Variants in M1AP observed in about 807,000 individuals in gnomAD.
M1AP encodes the protein meiosis 1 arrest protein.
Under a neutral mutation model 51.2 loss-of-function variants are expected in M1AP, and 39 were observed. That is an observed-to-expected ratio of 0.76 (90% CI 0.59 to 1.00). M1AP has a LOEUF of 1.00. Ranked by LOEUF, M1AP falls within the 50% of genes least tolerant of loss-of-function variation. M1AP has a pLI of 0.00. For missense variants in M1AP, 545 were observed against 641.2 expected, an observed-to-expected ratio of 0.85 and a Z score of 1.62; for synonymous variants, 251 against 249.2, an observed-to-expected ratio of 1.01 and a Z score of -0.07.
intron 2 of M1AP, among the ~76,000 whole-genome samples, chr2:74,624,198 A>G (rs1423847312): frequency 6.6e-6 from 1 of 152,238 alleles, no homozygotes; most frequent in Non-Finnish European, 1.5e-5. Flanking sequence ...AGAGGATTTC[A>G]GAGGCTGTAA....
intron 3 of M1AP, among the ~76,000 whole-genome samples, chr2:74,607,684 C>T (rs2104705555): frequency 6.6e-6 from 1 of 152,256 alleles, no homozygotes; most frequent in African/African-American, 2.4e-5. Flanking sequence ...CCATGTTGGT[C>T]AGGCTGGTCT....
intron 7 of M1AP, among the ~76,000 whole-genome samples, chr2:74,571,797 G>A (rs1339928368): frequency 6.6e-6 from 1 of 152,148 alleles, no homozygotes; most frequent in African/African-American, 2.4e-5. Flanking sequence ...GGGAGTTTGC[G>A]ACCAGCCTGA....
rs367678611 is a variant in M1AP at position 74,560,267 on chromosome 2, C to G, written c.1306G>C (p.Glu436Gln). ...VESMLDSLEL[E>Q]PTYNPLHVQS... is the part of the protein sequence containing the mutation. ...ACATGCAAGGGGTTGTAGGTGGGCTCCAGCTCCAGGCTGTCCAGCATGCTC... is the reference window on the plus strand; with the variant it reads ...ACATGCAAGGGGTTGTAGGTGGGCTGCAGCTCCAGGCTGTCCAGCATGCTC... The change falls in exon 9 of 11, where the codon GAG (glutamate) becomes CAG (glutamine). Residue 436 changes from glutamate to glutamine, a missense_variant. By Grantham distance (29) the Glu-to-Gln change is conservative (BLOSUM62 2). Transcript: ENST00000421985. 27 of 1,611,382 alleles carry G rather than the reference C, an allele frequency of 1.7e-5. No homozygotes were observed. The highest frequency in any genetic ancestry group is 1.5e-4 in the South Asian group (14 of 90,646).
Position 74,607,189 on chromosome 2 carries a change from A to C in M1AP, c.461T>G (p.Val154Gly). ...TILTSQPGKE[V>G]VKQLEEGLKD... is the part of the protein sequence containing the mutation. ...CAACCCTTCCTCCAACTGTTTGACC[A>C]CCTCTTTTCCAGGCTGAGAAGTCAG... The change falls in exon 4 of 11, where the codon GTG becomes GGG. Residue 154 changes from valine (V) to glycine (G), a missense_variant. Coordinates refer to ENST00000421985, the MANE Select transcript of M1AP (RefSeq NM_001321739.2). 1.2e-6 allele frequency: 2 copies of C among 1,614,006 alleles called. No homozygotes were observed. Among genetic ancestry groups the C allele is most frequent in the Non-Finnish European group, 8.5e-7 (1 of 1,179,968 alleles).
intron 2 of M1AP, among the ~76,000 whole-genome samples, chr2:74,632,427 C>G (rs755512757): frequency 1.3e-5 from 2 of 152,188 alleles, no homozygotes; most frequent in African/African-American, 4.8e-5. Context: ...CTGTCAAGAC[C>G]TCCTTGTGGC....
chr2:74,607,146 G>A lies in M1AP; in HGVS notation c.504C>T (p.Ala168=), dbSNP rs374231205. 53 of 1,613,974 alleles carry A rather than the reference G, an allele frequency of 3.3e-5. No homozygotes were observed. The highest frequency in any genetic ancestry group is 4.4e-5 in the Non-Finnish European group (52 of 1,179,992). The part of the protein sequence containing the change: ...LEEGLKDTDL[A]RVRRFQVVEV... ...CAACGACCTGAAACCTCCTGACTCTGGCTAGGTCTGTATCTTTCAACCCTT... is the reference window on the plus strand; with the variant it reads ...CAACGACCTGAAACCTCCTGACTCTAGCTAGGTCTGTATCTTTCAACCCTT... The change falls in exon 4 of 11, where the codon GCC becomes GCT. Residue 168 remains alanine (A), a synonymous_variant. Coordinates refer to ENST00000421985, the MANE Select transcript of M1AP (RefSeq NM_001321739.2).
chr2:74,622,940 TA>T (rs887908415), intron 2 of M1AP, among the ~76,000 whole-genome samples: 47 of 136,750 alleles, frequency 3.4e-4, no homozygotes, highest in African/African-American at 1.2e-3. Flanking sequence ...TTATACACTT[TA>T]AAAAAAAATA....
At chr2:74,588,720 G>C (rs1679861805) in intron 4 of M1AP, among the ~76,000 whole-genome samples, 1 of 152,194 alleles carries the variant, frequency 6.6e-6, no homozygotes, top group Non-Finnish European at 1.5e-5. Flanking sequence ...AATGGACCTA[G>C]TGGTGACTAT....
intron 4 of M1AP, among the ~76,000 whole-genome samples, chr2:74,587,433 C>T (rs912188639): frequency 3.3e-5 from 5 of 152,132 alleles, no homozygotes; most frequent in African/African-American, 9.7e-5. Flanking sequence ...CTCCTGACCT[C>T]GTGATCCACC....
rs982804004 is a variant in M1AP at position 74,632,293 on chromosome 2, T to C, written c.240+7743A>G. On this transcript the variant is annotated intron_variant, in intron 2 of 10. Coordinates refer to ENST00000421985, the MANE Select transcript of M1AP (RefSeq NM_001321739.2). Reference sequence around the variant, plus strand: ...AATGCACTGCAGTCTCTGTAGGGAGTTGCAGTCAAGGATTCAGAACCCCTA... The same window carrying C: ...AATGCACTGCAGTCTCTGTAGGGAGCTGCAGTCAAGGATTCAGAACCCCTA... Among the ~76,000 whole-genome samples the C allele has an allele frequency of 3.3e-5, 5 of 152,010 alleles. No individual in the cohort carries two copies. In the South Asian group the frequency reaches 1.0e-3, roughly 32 times the overall value.
chr2:74,644,143 G>A (rs1249342195), intron 1 of M1AP, among the ~76,000 whole-genome samples: 2 of 152,176 alleles, frequency 1.3e-5, no homozygotes, highest in South Asian at 2.1e-4. Flanking sequence ...AAAGAATGTA[G>A]GGAAAATTAA....
At chr2:74,592,245 G>T (rs1680089577) in intron 4 of M1AP, among the ~76,000 whole-genome samples, 1 of 151,956 alleles carries the variant, frequency 6.6e-6, no homozygotes, top group African/African-American at 2.4e-5. Flanking sequence ...TGACTTCTAG[G>T]GATAGAAGTA....
chr2:74,592,296 C>T (rs1680092766), intron 4 of M1AP, among the ~76,000 whole-genome samples: 1 of 152,170 alleles, frequency 6.6e-6, no homozygotes, highest in Non-Finnish European at 1.5e-5. Context: ...AAACACATGC[C>T]ACTTCTATTG....
intron 1 of M1AP, among the ~76,000 whole-genome samples, chr2:74,642,745 GT>G: frequency 2.6e-5 from 4 of 152,234 alleles, no homozygotes; most frequent in African/African-American, 9.6e-5. Context: ...CTTGTCTTTT[GT>G]CAAATTTTAG....
rs140339820 is a variant in M1AP at position 74,615,117 on chromosome 2, G to A, written c.273C>T (p.Thr91=). ...GTAACATGCGGAGTTCTGAGATGCA[G>A]GTCTGCAACCTAGCAAAGTTCCCTT... ...QVKGNFARLQ[T]CISELRMLQR... Residue 91 remains threonine (T), a synonymous_variant, in exon 3 of 11, where the codon ACC becomes ACT. Transcript: ENST00000421985. 1 of 1,614,162 alleles carries A rather than the reference G, an allele frequency of 6.2e-7. No individual in the cohort carries two copies. The highest frequency in any genetic ancestry group is 8.5e-7 in the Non-Finnish European group (1 of 1,180,018).
At chr2:74,611,882 G>GGT (rs1394938077) in intron 3 of M1AP, among the ~76,000 whole-genome samples, 2 of 42,912 alleles carry the variant, frequency 4.7e-5, no homozygotes, top group Non-Finnish European at 7.6e-5. Flanking sequence ...ACAAAAAAGT[G>GGT]TTTTTTTTTT....
intron 7 of M1AP, among the ~76,000 whole-genome samples, chr2:74,571,484 T>TA (rs1236369896): frequency 6.6e-6 from 1 of 151,904 alleles, no homozygotes; most frequent in Non-Finnish European, 1.5e-5. Context: ...TATGAAAGAA[T>TA]AAAAAACCAA....
chr2:74,581,905 A>C, intron 4 of M1AP, 58 bp from the exon 5 acceptor site: 1 of 1,483,856 alleles, frequency 6.7e-7, no homozygotes, highest in Non-Finnish European at 9.2e-7. Context: ...AGTAATATAA[A>C]ATTTTGAACA....
intron 2 of M1AP, among the ~76,000 whole-genome samples, chr2:74,620,358 A>G (rs1450214191): frequency 6.6e-6 from 1 of 152,252 alleles, no homozygotes; most frequent in Non-Finnish European, 1.5e-5. Context: ...GAAATCCTCT[A>G]ATCTACATTG....
Sources: allele counts gnomAD v4.1 joint callset (sites outside exome capture counted in the v4.1 genomes callset), GRCh38; gene constraint gnomAD v4.1.1; transcripts MANE v1.5; gene names NCBI Gene and HGNC (gene_info 2026-07-23, HGNC 2026-07-21).